SCMH1: variants seen among roughly 807,000 people sequenced by gnomAD.
SCMH1 encodes the protein polycomb protein SCMH1.
A neutral mutation model predicts 70.8 loss-of-function variants in SCMH1; 37 were observed. The ratio of observed to expected loss-of-function variants is 0.52; its 90% confidence interval spans 0.40 to 0.69. SCMH1 has a LOEUF of 0.69. Ranked by LOEUF, SCMH1 falls within the 30% of genes least tolerant of loss-of-function variation. SCMH1 has a pLI of 0.00. For missense variants in SCMH1, 607 were observed against 827.3 expected, an observed-to-expected ratio of 0.73 and a Z score of 3.27; for synonymous variants, 292 against 307.4, an observed-to-expected ratio of 0.95 and a Z score of 0.52.
At chr1:41,107,564 G>A (rs1235638395) in intron 8 of SCMH1, among the ~76,000 whole-genome samples, 2 of 151,974 alleles carry the variant, frequency 1.3e-5, no homozygotes, top group Non-Finnish European at 2.9e-5. Context: ...TCTGTCACCA[G>A]GCTGGAGTGC....
At chr1:41,129,421 C>T (rs1674050817) in intron 6 of SCMH1, among the ~76,000 whole-genome samples, 3 of 152,152 alleles carry the variant, frequency 2.0e-5, no homozygotes, top group Non-Finnish European at 4.4e-5. Context: ...TTTGACTTCT[C>T]TAGATGTCTC....
At chr1:41,189,700 G>T (rs1651194895) in intron 1 of SCMH1, among the ~76,000 whole-genome samples, 1 of 152,200 alleles carries the variant, frequency 6.6e-6, no homozygotes, top group Admixed American at 6.5e-5. Flanking sequence ...CACTTGCTTT[G>T]TAGCAACTAT....
chr1:41,232,911 A>T (rs1661587731), intron 1 of SCMH1, among the ~76,000 whole-genome samples: 2 of 152,200 alleles, frequency 1.3e-5, no homozygotes, highest in South Asian at 4.1e-4. Flanking sequence ...TTTTTCGAGC[A>T]CCTAATACAT....
At chr1:41,190,885 G>A (rs1372236166) in intron 1 of SCMH1, among the ~76,000 whole-genome samples, 1 of 152,054 alleles carries the variant, frequency 6.6e-6, no homozygotes, top group Non-Finnish European at 1.5e-5. Context: ...AAGTTAGTTA[G>A]TTTTTAAGAG....
intron 8 of SCMH1, among the ~76,000 whole-genome samples, chr1:41,105,713 C>G (rs1249068153): frequency 6.6e-6 from 1 of 152,080 alleles, no homozygotes; most frequent in Non-Finnish European, 1.5e-5. Context: ...TCCTCACCAC[C>G]ATGTCACTGC....
intron 10 of SCMH1, among the ~76,000 whole-genome samples, chr1:41,069,701 G>A (rs764004913): frequency 2.0e-5 from 3 of 152,172 alleles, no homozygotes; most frequent in Non-Finnish European, 4.4e-5. Flanking sequence ...AGACAGGGAA[G>A]TGATATCAAA....
At chr1:41,241,850 G>A (rs1043847922) in intron 1 of SCMH1, among the ~76,000 whole-genome samples, 3 of 151,730 alleles carry the variant, frequency 2.0e-5, no homozygotes, top group Non-Finnish European at 4.4e-5. Flanking sequence ...GCCGGCCTCC[G>A]GGCTCGGGGC....
intron 2 of SCMH1, among the ~76,000 whole-genome samples, chr1:41,181,373 C>T (rs1648712009): frequency 6.6e-6 from 1 of 152,164 alleles, no homozygotes; most frequent in Non-Finnish European, 1.5e-5. Context: ...TAAAGAGCTT[C>T]TGCACAGCAA....
chr1:41,112,319 C>A (rs1669447271), intron 8 of SCMH1, among the ~76,000 whole-genome samples: 1 of 152,100 alleles, frequency 6.6e-6, no homozygotes, highest in African/African-American at 2.4e-5. Flanking sequence ...AGAAAAAGAT[C>A]CTCAGACAAT....
intron 5 of SCMH1, among the ~76,000 whole-genome samples, chr1:41,149,454 A>G (rs185571335): frequency 6.6e-6 from 1 of 152,246 alleles, no homozygotes; most frequent in East Asian, 1.9e-4. Context: ...TGATCTGTAT[A>G]GAGTCTGAGT....
intron 8 of SCMH1, among the ~76,000 whole-genome samples, chr1:41,082,048 A>G (rs1340594271): frequency 3.3e-5 from 5 of 152,194 alleles, no homozygotes; most frequent in African/African-American, 9.7e-5. Flanking sequence ...CACCAGATAC[A>G]AAAATTAATG....
chr1:41,217,956 T>G (rs1261591626), intron 1 of SCMH1, among the ~76,000 whole-genome samples: 1 of 152,228 alleles, frequency 6.6e-6, no homozygotes, highest in Non-Finnish European at 1.5e-5. Context: ...TTCCTATGCC[T>G]ATCTTACCAT....
chr1:41,202,202 AT>A (rs558479564), intron 1 of SCMH1, among the ~76,000 whole-genome samples: 5 of 151,678 alleles, frequency 3.3e-5, no homozygotes, highest in Non-Finnish European at 7.4e-5. Flanking sequence ...CGCCCGGCTA[AT>A]TTTCGTATTT....
chr1:41,205,097 A>T (rs1005596032), intron 1 of SCMH1, among the ~76,000 whole-genome samples: 2 of 152,224 alleles, frequency 1.3e-5, no homozygotes, highest in Admixed American at 6.5e-5. Flanking sequence ...GAATAGGAAC[A>T]GCTCCAGTCT....
At chr1:41,116,309 C>A (rs1381570207) in intron 7 of SCMH1, among the ~76,000 whole-genome samples, 1 of 152,170 alleles carries the variant, frequency 6.6e-6, no homozygotes, top group African/African-American at 2.4e-5. Context: ...TTTACAGTAA[C>A]TTTTACCCCA....
intron 8 of SCMH1, among the ~76,000 whole-genome samples, chr1:41,097,020 G>A (rs1665265973): frequency 6.6e-6 from 1 of 152,166 alleles, no homozygotes; most frequent in South Asian, 2.1e-4. Context: ...ATATGTCTAA[G>A]TATACAAAAG....
At chr1:41,189,343 G>A (rs1170809486) in intron 1 of SCMH1, among the ~76,000 whole-genome samples, 3 of 152,102 alleles carry the variant, frequency 2.0e-5, no homozygotes, top group East Asian at 1.9e-4. Flanking sequence ...TAGAGACAGG[G>A]TTTCATCATG....
intron 1 of SCMH1, among the ~76,000 whole-genome samples, chr1:41,239,165 G>A (rs189876460): frequency 2.0e-4 from 31 of 151,784 alleles, no homozygotes; most frequent in Non-Finnish European, 4.3e-4. Context: ...TGCATACAAG[G>A]TCCACCACGA....
intron 11 of SCMH1, among the ~76,000 whole-genome samples, chr1:41,046,981 C>CAGAAG (rs1424837252): frequency 6.6e-6 from 1 of 152,164 alleles, no homozygotes; most frequent in Non-Finnish European, 1.5e-5. Flanking sequence ...AGAAGCTTGG[C>CAGAAG]AGAAGAGTAG....
Sources: gnomAD v4.1 joint callset for allele counts (sites outside exome capture counted in the v4.1 genomes callset) on GRCh38, gnomAD v4.1.1 for gene constraint, MANE v1.5 for transcripts, NCBI Gene and HGNC (gene_info 2026-07-23, HGNC 2026-07-21) for gene names.